Variants in VPS13B observed in about 807,000 individuals in gnomAD.
VPS13B encodes the protein vacuolar protein sorting 13 homolog B.
A neutral mutation model predicts 426.4 loss-of-function variants in VPS13B; 285 were observed. The observed-to-expected ratio is 0.67, with a 90% confidence interval of 0.61 to 0.74. The LOEUF (loss-of-function observed/expected upper bound fraction) is 0.74. VPS13B is among the 30% of genes least tolerant of loss of function. The probability of loss-of-function intolerance (pLI) is 0.00; values close to 1 mark genes in which losing one functional copy is unlikely to be tolerated. For missense variants in VPS13B, 4,537 were observed against 4,782.6 expected, an observed-to-expected ratio of 0.95 and a Z score of 1.51; for synonymous variants, 1,676 against 1,676.4, an observed-to-expected ratio of 1.00 and a Z score of 0.01.
At chr8:99,439,946 C>T (rs935291812) in intron 22 of VPS13B, among the ~76,000 whole-genome samples, 1 of 152,038 alleles carries the variant, frequency 6.6e-6, no homozygotes, top group African/African-American at 2.4e-5. Flanking sequence ...GGGAAAAATG[C>T]ATTGCAGTCA....
intron 19 of VPS13B, among the ~76,000 whole-genome samples, chr8:99,332,488 A>G (rs1810598785): frequency 6.6e-6 from 1 of 151,602 alleles, no homozygotes; most frequent in Non-Finnish European, 1.5e-5. Context: ...ATTCTTTTAT[A>G]TATTCTGAAG....
intron 39 of VPS13B, among the ~76,000 whole-genome samples, chr8:99,740,805 A>C (rs1809674692): frequency 6.6e-6 from 1 of 152,192 alleles, no homozygotes; most frequent in Admixed American, 6.5e-5. Flanking sequence ...GCCTGCCCTA[A>C]AAGAGCTCCT....
intron 3 of VPS13B, among the ~76,000 whole-genome samples, chr8:99,078,320 CTT>C (rs894206772): frequency 4.3e-5 from 6 of 140,972 alleles, no homozygotes; most frequent in Non-Finnish European, 7.8e-5. Flanking sequence ...TTGGGAAAGA[CTT>C]TTTTTCTTAT....
intron 17 of VPS13B, chr8:99,234,139 AG>A: frequency 1.0e-5 from 8 of 783,976 alleles, no homozygotes; most frequent in South Asian, 9.4e-5. Flanking sequence ...GGGCTCGCTG[AG>A]GGGGTAAAGG....
At chr8:99,591,430 C>T (rs980985412) in intron 33 of VPS13B, among the ~76,000 whole-genome samples, 1 of 152,022 alleles carries the variant, frequency 6.6e-6, no homozygotes, top group Non-Finnish European at 1.5e-5. Flanking sequence ...TTAAATGATG[C>T]AGTTTCTTCA....
At chr8:99,831,611 T>C (rs180878770) in intron 51 of VPS13B, among the ~76,000 whole-genome samples, 1 of 152,322 alleles carries the variant, frequency 6.6e-6, no homozygotes, top group East Asian at 1.9e-4. Context: ...GTAGGTTCCA[T>C]AGTTATGGAT....
At chr8:99,254,051 A>AT (rs1170996665) in intron 17 of VPS13B, among the ~76,000 whole-genome samples, 1 of 152,122 alleles carries the variant, frequency 6.6e-6, no homozygotes, top group Non-Finnish European at 1.5e-5. Context: ...ATCAGATATT[A>AT]TTTTTGCTTC....
intron 40 of VPS13B, among the ~76,000 whole-genome samples, chr8:99,773,756 A>G (rs1049980293): frequency 1.3e-5 from 2 of 152,188 alleles, no homozygotes; most frequent in African/African-American, 4.8e-5. Context: ...GAAGAGCACC[A>G]GATAATTCTG....
At chr8:99,509,197 T>C (rs1821654229) in intron 28 of VPS13B, among the ~76,000 whole-genome samples, 1 of 152,190 alleles carries the variant, frequency 6.6e-6, no homozygotes, top group Non-Finnish European at 1.5e-5. Flanking sequence ...CCATCTGTTA[T>C]TGCTCATTGT....
intron 37 of VPS13B, among the ~76,000 whole-genome samples, chr8:99,717,953 T>C (rs1832986242): frequency 6.6e-6 from 1 of 152,222 alleles, no homozygotes; most frequent in Non-Finnish European, 1.5e-5. Flanking sequence ...TTCTTTCCAC[T>C]TTTGGCTGCT....
At chr8:99,624,000 T>TATA (rs1049398849) in intron 33 of VPS13B, among the ~76,000 whole-genome samples, 5 of 78,440 alleles carry the variant, frequency 6.4e-5, no homozygotes, top group African/African-American at 2.8e-4. Context: ...CATACATATA[T>TATA]ATATATATTT....
intron 3 of VPS13B, among the ~76,000 whole-genome samples, chr8:99,079,281 C>T (rs532503394): frequency 6.6e-6 from 1 of 151,934 alleles, no homozygotes. Context: ...TGTTGTCAGG[C>T]CCCCATCATG....
At position 99,442,625 on chromosome 8, in the gene VPS13B, C is replaced by T; in HGVS notation, c.3435C>T (p.Ile1145=). The T allele has an allele frequency of 6.2e-7, 1 of 1,613,700 alleles. No homozygotes were observed. The highest frequency in any genetic ancestry group is 1.1e-5 in the South Asian group (1 of 91,058). The change falls in exon 23 of 62, where the codon ATC becomes ATT. Residue 1145 remains isoleucine (I), a synonymous_variant. Transcript: ENST00000357162. ...TTCCATTTGTTATCCCACGACCCATCCTTGAAGAAGGTATATGTTAACATT... is the reference window on the plus strand; with the variant it reads ...TTCCATTTGTTATCCCACGACCCATTCTTGAAGAAGGTATATGTTAACATT... ...QEIPFVIPRP[I]LEEGDAFPWT... is the part of the protein sequence containing the mutation.
intron 44 of VPS13B, among the ~76,000 whole-genome samples, chr8:99,816,748 T>C (rs1380583185): frequency 1.3e-5 from 2 of 151,976 alleles, no homozygotes; most frequent in African/African-American, 4.8e-5. Context: ...GAGACTGCAG[T>C]GAGCTGTGAT....
chr8:99,876,614 A>ATTGAC lies in VPS13B; in HGVS notation c.*954_*958dup, dbSNP rs1228024936. The stretch of plus-strand genomic sequence containing the variant: ...CAGTCCATTTTGTTTATTCTGTGGA[A>ATTGAC]TTGACTTGACAAAGCATGAAGATAT... On this transcript the variant is annotated 3_prime_UTR_variant, in exon 62 of 62. Coordinates refer to ENST00000357162, the MANE Select transcript of VPS13B (RefSeq NM_152564.5). 3 of 152,196 alleles carry ATTGAC rather than the reference A, an allele frequency of 2.0e-5. No homozygotes were observed. The highest frequency in any genetic ancestry group is 1.9e-4 in the East Asian group (1 of 5,200). 9.4% of individuals were successfully genotyped at this position (152,196 alleles called of 1,614,324 possible). A position where few individuals can be genotyped will look rare whatever the true frequency, so the allele number is the denominator to read the frequency against.
In VPS13B at chr8:99,121,234, A is replaced by G. The variant is rs1243904228; in HGVS notation, c.995A>G (p.Glu332Gly). 5.6e-6 allele frequency: 9 copies of G among 1,614,022 alleles called. No homozygotes were observed. Among genetic ancestry groups the G allele is most frequent in the Non-Finnish European group, 7.6e-6 (9 of 1,180,012 alleles). The change falls in exon 8 of 62, where the codon GAG (glutamate) becomes GGG (glycine). Residue 332 changes from glutamate (E) to glycine (G), a missense_variant. Physicochemically the swap from Glu to Gly is moderately conservative, Grantham distance 98 (BLOSUM62 -2). Around this residue, in one of 2 missense-constraint regions of VPS13B, gnomAD observed 4,311 missense variants for 4,474.3 expected, o/e 0.96. Transcript: ENST00000357162. ...TATCCTGCTCAGCATAAAGGTCAAGAGTTATATTCACAGCAAGATGAGGAG... is the reference window on the plus strand; with the variant it reads ...TATCCTGCTCAGCATAAAGGTCAAGGGTTATATTCACAGCAAGATGAGGAG... ...MQYPAQHKGQ[E>G]LYSQQDEEQP...
chr8:99,474,183 AT>A (rs34752686), intron 24 of VPS13B, among the ~76,000 whole-genome samples: 2,848 of 124,942 alleles, frequency 0.023, 88 homozygotes, highest in African/African-American at 0.084. Context: ...CTGTTATCCA[AT>A]TTTTTTTTTT....
intron 33 of VPS13B, among the ~76,000 whole-genome samples, chr8:99,630,871 G>T (rs769516956): frequency 1.3e-5 from 2 of 152,102 alleles, no homozygotes; most frequent in Non-Finnish European, 1.5e-5. Context: ...CAGTGGAAAG[G>T]GTCAGTGAGA....
At chr8:99,524,803 C>T (rs924962560) in intron 30 of VPS13B, among the ~76,000 whole-genome samples, 11 of 152,090 alleles carry the variant, frequency 7.2e-5, no homozygotes, top group African/African-American at 2.2e-4. Context: ...CAAAAACAAA[C>T]AAAAACCATA....
Sources: gnomAD v4.1 joint callset for allele counts (sites outside exome capture counted in the v4.1 genomes callset) on GRCh38, gnomAD v4.1.1 for gene constraint, gnomAD v4.1.1 regional missense constraint, MANE v1.5 for transcripts, NCBI Gene and HGNC (gene_info 2026-07-23, HGNC 2026-07-21) for gene names.